Variants in ANKRD55 observed in about 807,000 individuals in gnomAD.
ANKRD55 encodes the protein ankyrin repeat domain-containing protein 55.
Under a neutral mutation model 60.6 loss-of-function variants are expected in ANKRD55, and 41 were observed. The ratio of observed to expected loss-of-function variants is 0.68; its 90% confidence interval spans 0.53 to 0.88. The LOEUF is 0.88. ANKRD55 is among the 40% of genes least tolerant of loss of function. ANKRD55 has a pLI of 0.00. For synonymous variants in ANKRD55, 264 were observed against 290.3 expected, an observed-to-expected ratio of 0.91 and a Z score of 0.92; for missense variants, 732 against 767.6, an observed-to-expected ratio of 0.95 and a Z score of 0.55.
At chr5:56,135,743 G>A (rs1301065581) in intron 7 of ANKRD55, among the ~76,000 whole-genome samples, 1 of 152,162 alleles carries the variant, frequency 6.6e-6, no homozygotes, top group East Asian at 1.9e-4. Context: ...TAAAAAGAAT[G>A]CTGATTGGGA....
intron 10 of ANKRD55, 35 bp from the exon 11 acceptor site, chr5:56,102,621 A>G: frequency 6.7e-7 from 1 of 1,502,906 alleles, no homozygotes; most frequent in Non-Finnish European, 9.3e-7. Flanking sequence ...ATTACTTGAG[A>G]CTCAACCAAG....
chr5:56,220,883 T>C (rs1384965100), intron 2 of ANKRD55, among the ~76,000 whole-genome samples: 1 of 152,084 alleles, frequency 6.6e-6, no homozygotes, highest in East Asian at 1.9e-4. Flanking sequence ...TCAGGAGTGG[T>C]CAAGAACAGG....
chr5:56,166,361 A>G (rs1758484921), intron 5 of ANKRD55, among the ~76,000 whole-genome samples: 1 of 151,570 alleles, frequency 6.6e-6, no homozygotes, highest in African/African-American at 2.4e-5. Context: ...GGGCTCAAGC[A>G]ATCTTCCAGT....
intron 8 of ANKRD55, among the ~76,000 whole-genome samples, chr5:56,117,480 G>A (rs1756916459): frequency 6.6e-6 from 1 of 152,000 alleles, no homozygotes; most frequent in Non-Finnish European, 1.5e-5. Context: ...TTGAGACAGA[G>A]TCTCACTCTG....
chr5:56,137,608 G>A, intron 7 of ANKRD55: 1 of 620,070 alleles, frequency 1.6e-6, no homozygotes, highest in Non-Finnish European at 2.9e-6. Context: ...GAGCAAAATT[G>A]AGATGACCTT....
chr5:56,127,218 A>G, intron 7 of ANKRD55, 112 bp from the exon 8 acceptor site: 2 of 1,328,570 alleles, frequency 1.5e-6, no homozygotes, highest in Non-Finnish European at 1.9e-6. Flanking sequence ...AAAGAAAGAA[A>G]AAAGATGAAA....
intron 7 of ANKRD55, 60 bp downstream of exon 7, chr5:56,143,741 A>T: frequency 6.2e-7 from 1 of 1,601,518 alleles, no homozygotes; most frequent in South Asian, 1.1e-5. Flanking sequence ...TACTCAGAAA[A>T]TTGTTAACAC....
At chr5:56,171,190 A>G (rs562500669) in intron 4 of ANKRD55, among the ~76,000 whole-genome samples, 2 of 152,194 alleles carry the variant, frequency 1.3e-5, no homozygotes, top group Non-Finnish European at 2.9e-5. Context: ...TATTCAGGTC[A>G]GTCCCCCTCC....
intron 2 of ANKRD55, among the ~76,000 whole-genome samples, chr5:56,217,135 A>G (rs1158403305): frequency 6.6e-6 from 1 of 152,216 alleles, no homozygotes; most frequent in East Asian, 1.9e-4. Context: ...ATTATGTTAA[A>G]TCTACTCTGC....
At chr5:56,186,631 A>AT (rs896330498) in intron 2 of ANKRD55, among the ~76,000 whole-genome samples, 1 of 152,114 alleles carries the variant, frequency 6.6e-6, no homozygotes, top group Admixed American at 6.5e-5. Flanking sequence ...TACTTAAAAA[A>AT]TTTTTTTTTG....
At chr5:56,221,751 G>A (rs898641609) in intron 2 of ANKRD55, among the ~76,000 whole-genome samples, 1 of 152,246 alleles carries the variant, frequency 6.6e-6, no homozygotes, top group African/African-American at 2.4e-5. Flanking sequence ...CTCACTGCTA[G>A]CACAGCAGTC....
chr5:56,212,745 C>T (rs143456161), intron 2 of ANKRD55, among the ~76,000 whole-genome samples: 37 of 152,280 alleles, frequency 2.4e-4, no homozygotes, highest in African/African-American at 7.5e-4. Flanking sequence ...GGCCTGAAGC[C>T]GGGGTTCTCA....
intron 5 of ANKRD55, among the ~76,000 whole-genome samples, chr5:56,165,999 G>C (rs1476351592): frequency 6.6e-6 from 1 of 152,092 alleles, no homozygotes; most frequent in Non-Finnish European, 1.5e-5. Flanking sequence ...AAGAGAATAA[G>C]AGCTGGAGCC....
At position 56,148,634 on chromosome 5, in the gene ANKRD55, T is replaced by C. The variant is rs530732578; in HGVS notation, c.484-4705A>G. Among the ~76,000 whole-genome samples, 4 of 151,470 alleles carry C rather than the reference T, an allele frequency of 2.6e-5. No homozygotes were observed. In the South Asian group the frequency reaches 8.3e-4, roughly 32 times the overall value. On this transcript the variant is annotated intron_variant, in intron 6 of 11. Coordinates refer to ENST00000341048, the MANE Select transcript of ANKRD55 (RefSeq NM_024669.3). Reference sequence around the variant, plus strand: ...ACAATTTCAGTTAAAGGCTTACAAGTCCTATCAGCTTCTCAGAACATTTTT... The same window carrying C: ...ACAATTTCAGTTAAAGGCTTACAAGCCCTATCAGCTTCTCAGAACATTTTT...
intron 2 of ANKRD55, among the ~76,000 whole-genome samples, chr5:56,209,111 C>T (rs968861420): frequency 2.0e-5 from 3 of 152,048 alleles, no homozygotes; most frequent in African/African-American, 7.3e-5. Flanking sequence ...GCATGCACTA[C>T]CAATCTTGCT....
chr5:56,181,775 A>G (rs1758853830), intron 3 of ANKRD55, among the ~76,000 whole-genome samples: 1 of 152,174 alleles, frequency 6.6e-6, no homozygotes, highest in African/African-American at 2.4e-5. Flanking sequence ...TTTTTAGTAG[A>G]GACGGGGTTT....
intron 7 of ANKRD55, among the ~76,000 whole-genome samples, chr5:56,135,294 GCTTTCTTTCTTT>G (rs1255557630): frequency 0.012 from 1,012 of 84,364 alleles, 34 homozygotes; most frequent in Admixed American, 0.022. Context: ...CTGCCTGCTT[GCTTTCTTTCTTT>G]CTTTCTTTCT....
chr5:56,127,309 C>T, intron 7 of ANKRD55: 9 of 985,358 alleles, frequency 9.1e-6, no homozygotes, highest in Non-Finnish European at 1.1e-5. Context: ...TCTCAAGTCA[C>T]TGCAGAGATT....
chr5:56,144,566 G>A (rs1330779960), intron 6 of ANKRD55, among the ~76,000 whole-genome samples: 1 of 152,146 alleles, frequency 6.6e-6, no homozygotes, highest in South Asian at 2.1e-4. Context: ...GCTGATCCTG[G>A]GAGGGTGGGA....
Sources: gnomAD v4.1 joint callset for allele counts (sites outside exome capture counted in the v4.1 genomes callset) on GRCh38, gnomAD v4.1.1 for gene constraint, MANE v1.5 for transcripts, NCBI Gene and HGNC (gene_info 2026-07-23, HGNC 2026-07-21) for gene names.